Variants in DGKB observed in about 807,000 individuals in gnomAD.
The protein encoded by DGKB is diacylglycerol kinase beta.
A neutral mutation model predicts 114.3 loss-of-function variants in DGKB; 67 were observed. That is an observed-to-expected ratio of 0.59 (90% CI 0.48 to 0.72). DGKB has a LOEUF of 0.72. Among genes scored for constraint, DGKB ranks in the 30% least tolerant of loss-of-function variants. The pLI is 0.00. For missense variants in DGKB, 907 were observed against 975.2 expected, an observed-to-expected ratio of 0.93 and a Z score of 0.93; for synonymous variants, 398 against 323.1, an observed-to-expected ratio of 1.23 and a Z score of -2.49.
At chr7:14,639,411 C>G (rs1309183062) in intron 13 of DGKB, among the ~76,000 whole-genome samples, 1 of 152,206 alleles carries the variant, frequency 6.6e-6, no homozygotes, top group Non-Finnish European at 1.5e-5. Flanking sequence ...GAAAGGGTTT[C>G]CAGTAGATGC....
chr7:14,694,400 G>T (rs1311361048), intron 8 of DGKB, among the ~76,000 whole-genome samples: 1 of 152,154 alleles, frequency 6.6e-6, no homozygotes, highest in Non-Finnish European at 1.5e-5. Flanking sequence ...TCACTTTTTA[G>T]AAATAAGTGC....
At chr7:14,960,166 A>G (rs113199376) in intron 1 of DGKB, among the ~76,000 whole-genome samples, 3 of 152,202 alleles carry the variant, frequency 2.0e-5, no homozygotes, top group African/African-American at 7.2e-5. Context: ...ATGTATTTAT[A>G]CATTTTGAAG....
intron 20 of DGKB, among the ~76,000 whole-genome samples, chr7:14,537,108 C>G (rs1792632998): frequency 6.6e-6 from 1 of 151,856 alleles, no homozygotes; most frequent in African/African-American, 2.4e-5. Context: ...ATAAATATAA[C>G]CAAGAAGGTG....
intron 20 of DGKB, among the ~76,000 whole-genome samples, chr7:14,521,915 G>A (rs1240835013): frequency 2.0e-5 from 3 of 151,438 alleles, no homozygotes. Flanking sequence ...TATTTTTTTT[G>A]GCTTGTTATT....
intron 13 of DGKB, among the ~76,000 whole-genome samples, chr7:14,641,608 A>G (rs1377342866): frequency 2.0e-5 from 3 of 151,988 alleles, no homozygotes; most frequent in Admixed American, 6.6e-5. Context: ...ACGTGGTTAT[A>G]CAATAATCCT....
rs577099914 is a variant in DGKB at position 14,813,238 on chromosome 7, G to GA, written c.70+27955dup. Among the ~76,000 whole-genome samples, 168 of 151,884 alleles carry GA rather than the reference G, an allele frequency of 1.1e-3. 2 individuals are homozygous for GA. Among genetic ancestry groups the GA allele is most frequent in the Middle Eastern group, 6.8e-3 (2 of 294 alleles). ...AAGCTATTTTTATTTGCAAGTCTTA[G>GA]AAAAAAAGGAAGAGATATATAGATA... is the stretch of plus-strand genomic sequence containing the variant. On this transcript the variant is annotated intron_variant, in intron 2 of 25. Transcript: ENST00000402815.
chr7:14,790,604 A>C (rs1020075272), intron 2 of DGKB, among the ~76,000 whole-genome samples: 2 of 152,090 alleles, frequency 1.3e-5, no homozygotes, highest in Non-Finnish European at 1.5e-5. Flanking sequence ...TTTTGTCAGA[A>C]ATTATTTAGG....
chr7:14,914,742 G>T (rs948022502), intron 1 of DGKB, among the ~76,000 whole-genome samples: 1 of 151,970 alleles, frequency 6.6e-6, no homozygotes, highest in African/African-American at 2.4e-5. Flanking sequence ...ATATGTTAAA[G>T]GATCTAACGG....
chr7:14,250,048 G>A (rs1286251077), intron 23 of DGKB, among the ~76,000 whole-genome samples: 2 of 151,566 alleles, frequency 1.3e-5, no homozygotes, highest in Non-Finnish European at 2.9e-5. Flanking sequence ...TCAACCTCCT[G>A]CATTCAATGG....
At chr7:14,757,285 A>G (rs1835019386) in intron 3 of DGKB, among the ~76,000 whole-genome samples, 1 of 152,062 alleles carries the variant, frequency 6.6e-6, no homozygotes, top group Non-Finnish European at 1.5e-5. Context: ...ATTTTATCCA[A>G]TGCTGTTTCC....
chr7:14,309,406 T>A (rs1305827808), intron 23 of DGKB, among the ~76,000 whole-genome samples: 1 of 152,030 alleles, frequency 6.6e-6, no homozygotes, highest in Admixed American at 6.6e-5. Context: ...AAGCCAAAAG[T>A]CCTCTTATAC....
intron 2 of DGKB, among the ~76,000 whole-genome samples, chr7:14,767,844 C>T (rs908124365): frequency 6.6e-6 from 1 of 151,890 alleles, no homozygotes; most frequent in African/African-American, 2.4e-5. Context: ...ATGACAACTT[C>T]ATTTTATTTT....
chr7:14,321,140 A>G (rs1010901185), intron 23 of DGKB, among the ~76,000 whole-genome samples: 1 of 151,964 alleles, frequency 6.6e-6, no homozygotes, highest in Admixed American at 6.6e-5. Flanking sequence ...AAAATACAAA[A>G]CTTAGCCAGA....
intron 2 of DGKB, among the ~76,000 whole-genome samples, chr7:14,791,933 A>G (rs1840719637): frequency 6.6e-6 from 1 of 151,818 alleles, no homozygotes; most frequent in African/African-American, 2.4e-5. Flanking sequence ...GGTTTTCCAT[A>G]TTTTTACTCT....
chr7:14,759,935 T>A (rs1468351016), intron 2 of DGKB, among the ~76,000 whole-genome samples: 1 of 152,190 alleles, frequency 6.6e-6, no homozygotes, highest in Non-Finnish European at 1.5e-5. Context: ...TTTCTAACCC[T>A]TTTTTTGTTA....
chr7:14,723,560 T>C (rs758192984), intron 5 of DGKB, among the ~76,000 whole-genome samples: 6 of 149,842 alleles, frequency 4.0e-5, no homozygotes, highest in Non-Finnish European at 5.9e-5. Flanking sequence ...TGTGTGTGTG[T>C]GTATATATAT....
intron 21 of DGKB, among the ~76,000 whole-genome samples, chr7:14,445,080 G>T (rs1204469240): frequency 6.6e-6 from 1 of 151,474 alleles, no homozygotes; most frequent in Non-Finnish European, 1.5e-5. Context: ...TTCCCACCTC[G>T]GTCACTTATA....
rs184326500 is a variant in DGKB, at chr7:14,272,783, T to C, written c.2122+65732A>G. Among the ~76,000 whole-genome samples, 13 of 152,330 alleles carry C rather than the reference T, an allele frequency of 8.5e-5. No homozygotes were observed. In the East Asian group the frequency reaches 2.3e-3, roughly 27 times the overall value. On this transcript the variant is annotated intron_variant, in intron 23 of 25. Coordinates refer to ENST00000402815, the MANE Select transcript of DGKB (RefSeq NM_001350709.2). ...TTTTTAACTATTTAGCAATTTCACTTATCTTGCAGAAATGGCTGTTGCCCT... is the reference window on the plus strand; with the variant it reads ...TTTTTAACTATTTAGCAATTTCACTCATCTTGCAGAAATGGCTGTTGCCCT...
At chr7:14,549,751 G>T (rs1794838070) in intron 20 of DGKB, among the ~76,000 whole-genome samples, 1 of 152,174 alleles carries the variant, frequency 6.6e-6, no homozygotes, top group South Asian at 2.1e-4. Flanking sequence ...CACTTTGGGA[G>T]GCCAAGGTGG....
Sources: allele counts gnomAD v4.1 joint callset (sites outside exome capture counted in the v4.1 genomes callset), GRCh38; gene constraint gnomAD v4.1.1; transcripts MANE v1.5; gene names NCBI Gene and HGNC (gene_info 2026-07-23, HGNC 2026-07-21).